AGBL4: variants seen among roughly 807,000 people sequenced by gnomAD.
AGBL4 encodes the protein cytosolic carboxypeptidase 6.
A neutral mutation model predicts 66.4 loss-of-function variants in AGBL4; 58 were observed. The observed-to-expected ratio is 0.87, with a 90% confidence interval of 0.71 to 1.09. The LOEUF is 1.09. Among genes scored for constraint, AGBL4 ranks in the 50% least tolerant of loss-of-function variants. AGBL4 has a pLI of 0.00. For synonymous variants in AGBL4, 234 were observed against 222.9 expected, an observed-to-expected ratio of 1.05 and a Z score of -0.44; for missense variants, 579 against 631.0, an observed-to-expected ratio of 0.92 and a Z score of 0.88.
chr1:49,501,923 T>C (rs563348834), intron 3 of AGBL4, among the ~76,000 whole-genome samples: 1 of 152,300 alleles, frequency 6.6e-6, no homozygotes, highest in Admixed American at 6.5e-5. Context: ...TTTTCCAAAA[T>C]TTCTCCTGTT....
chr1:49,925,748 C>T (rs762814921), intron 1 of AGBL4, among the ~76,000 whole-genome samples: 1 of 152,138 alleles, frequency 6.6e-6, no homozygotes, highest in Non-Finnish European at 1.5e-5. Context: ...CGGTGCTCCC[C>T]GTGGGCAGGT....
intron 3 of AGBL4, among the ~76,000 whole-genome samples, chr1:49,418,880 G>A (rs1645484112): frequency 6.6e-6 from 1 of 152,224 alleles, no homozygotes; most frequent in South Asian, 2.1e-4. Flanking sequence ...ATTAAGCAGG[G>A]AGGTGACATT....
At chr1:49,835,480 G>A (rs935341471) in intron 2 of AGBL4, among the ~76,000 whole-genome samples, 6 of 152,042 alleles carry the variant, frequency 3.9e-5, no homozygotes, top group African/African-American at 9.6e-5. Context: ...CATGTGAGAC[G>A]GGTCTCCTGA....
At chr1:49,654,830 A>G (rs1180592382) in intron 3 of AGBL4, among the ~76,000 whole-genome samples, 1 of 152,034 alleles carries the variant, frequency 6.6e-6, no homozygotes, top group Non-Finnish European at 1.5e-5. Context: ...CGCACGTGAG[A>G]TCGGTTTCCT....
intron 3 of AGBL4, among the ~76,000 whole-genome samples, chr1:49,417,498 T>C (rs1405326268): frequency 6.6e-6 from 1 of 152,122 alleles, no homozygotes; most frequent in Non-Finnish European, 1.5e-5. Flanking sequence ...TAGTAGTTGA[T>C]TAGGATAAAC....
rs1338030275 is a variant in AGBL4, at chr1:49,555,686, G to GA, written c.282+141626dup. Among the ~76,000 whole-genome samples, 711 of 140,926 alleles carry GA rather than the reference G, an allele frequency of 5.0e-3. 7 individuals carry two copies. The highest frequency in any genetic ancestry group is 0.014 in the African/African-American group (557 of 38,476). 92.5% of individuals were successfully genotyped at this position (140,926 alleles called of 152,430 possible). The stretch of plus-strand genomic sequence containing the variant: ...ACAAAGAACTCAAACAAATTTACAA[G>GA]AAAAAAAAAAACCCATCAAAAAGTG... On this transcript the variant is annotated intron_variant, in intron 3 of 13. Transcript: ENST00000371839.
intron 1 of AGBL4, among the ~76,000 whole-genome samples, chr1:49,936,244 A>G (rs2148278402): frequency 6.6e-6 from 1 of 152,318 alleles, no homozygotes; most frequent in Non-Finnish European, 1.5e-5. Flanking sequence ...TCAGCGATGG[A>G]AGATGAAATG....
intron 5 of AGBL4, among the ~76,000 whole-genome samples, chr1:48,949,174 G>A (rs1433420910): frequency 6.6e-6 from 1 of 152,142 alleles, no homozygotes; most frequent in Non-Finnish European, 1.5e-5. Flanking sequence ...TTGAAGGCCT[G>A]GAGTCCCACA....
chr1:48,667,334 T>C (rs963262709), intron 6 of AGBL4, among the ~76,000 whole-genome samples: 7 of 152,186 alleles, frequency 4.6e-5, no homozygotes. Context: ...CCAATTGCTA[T>C]GTCATAAAGG....
intron 5 of AGBL4, among the ~76,000 whole-genome samples, chr1:48,983,685 C>G (rs1659950378): frequency 6.6e-6 from 1 of 152,262 alleles, no homozygotes; most frequent in Admixed American, 6.5e-5. Flanking sequence ...AATTTGGGTT[C>G]TGGTCATGGT....
At chr1:48,742,720 G>A (rs761563513) in intron 6 of AGBL4, 9 of 1,609,878 alleles carry the variant, frequency 5.6e-6, no homozygotes, top group Middle Eastern at 1.7e-4. Flanking sequence ...CCGTAACTCC[G>A]GCTCGGGCTC....
chr1:49,128,976 G>C (rs1470114292), intron 4 of AGBL4, among the ~76,000 whole-genome samples: 15 of 151,826 alleles, frequency 9.9e-5, no homozygotes, highest in Non-Finnish European at 2.1e-4. Flanking sequence ...TAAAAGACTT[G>C]TATCTAGAAA....
chr1:49,554,075 G>A (rs888473057), intron 3 of AGBL4, among the ~76,000 whole-genome samples: 9 of 152,188 alleles, frequency 5.9e-5, no homozygotes, highest in Non-Finnish European at 1.2e-4. Flanking sequence ...CCAGGCAGCA[G>A]TGAGGTATGA....
At chr1:49,103,628 T>C (rs1645241775) in intron 4 of AGBL4, among the ~76,000 whole-genome samples, 1 of 152,126 alleles carries the variant, frequency 6.6e-6, no homozygotes, top group African/African-American at 2.4e-5. Flanking sequence ...CTCTGTTCAT[T>C]TCCTAGCAGA....
At chr1:49,117,302 T>C (rs1645546585) in intron 4 of AGBL4, among the ~76,000 whole-genome samples, 1 of 152,230 alleles carries the variant, frequency 6.6e-6, no homozygotes. Flanking sequence ...CCCATGCCTA[T>C]GTCCTGAATG....
chr1:49,378,932 A>G lies in AGBL4; in HGVS notation c.283-133068T>C, dbSNP rs538938643. Among the ~76,000 whole-genome samples, 172 of 152,150 alleles carry G rather than the reference A, an allele frequency of 1.1e-3. 1 individual carries two copies. Among genetic ancestry groups the G allele is most frequent in the African/African-American group, 3.9e-3 (164 of 41,526 alleles). On this transcript the variant is annotated intron_variant, in intron 3 of 13. Transcript: ENST00000371839. ...GTTCACTGTTAATGATTCTCTCCAG[A>G]GAAGGTTTTTTTTAAAAGGAAGGTA... is the stretch of plus-strand genomic sequence containing the variant.
chr1:48,726,599 AT>A (rs1234726721), intron 6 of AGBL4, among the ~76,000 whole-genome samples: 1 of 152,156 alleles, frequency 6.6e-6, no homozygotes, highest in Non-Finnish European at 1.5e-5. Context: ...TTTCCTCCTT[AT>A]TACTGATAAG....
At chr1:48,693,671 C>T (rs189189769) in intron 6 of AGBL4, among the ~76,000 whole-genome samples, 10 of 152,288 alleles carry the variant, frequency 6.6e-5, no homozygotes, top group African/African-American at 2.2e-4. Flanking sequence ...AGACCGCTGG[C>T]CAAAAGGAAG....
At chr1:49,005,689 G>T (rs1171087854) in intron 5 of AGBL4, among the ~76,000 whole-genome samples, 1 of 152,100 alleles carries the variant, frequency 6.6e-6, no homozygotes, top group African/African-American at 2.4e-5. Context: ...GTATATATAG[G>T]ATTTTGTACT....
Sources: allele counts gnomAD v4.1 joint callset (sites outside exome capture counted in the v4.1 genomes callset), GRCh38; gene constraint gnomAD v4.1.1; transcripts MANE v1.5; gene names NCBI Gene and HGNC (gene_info 2026-07-23, HGNC 2026-07-21).